The following PEX5L variants were observed in gnomAD, a reference collection of about 807,000 sequenced individuals.
PEX5L encodes the protein peroxisomal biogenesis factor 5 like, also known as PEX5-related protein.
A neutral mutation model predicts 84.0 loss-of-function variants in PEX5L; 30 were observed. The ratio of observed to expected loss-of-function variants is 0.36; its 90% CI spans 0.27 to 0.48. PEX5L has a LOEUF of 0.48. Ranked by LOEUF, PEX5L falls within the 20% of genes least tolerant of loss-of-function variation. The pLI is 0.99. For missense variants in PEX5L, 533 were observed against 754.6 expected (o/e 0.71, Z 3.44); for synonymous variants, 270 against 283.1 (o/e 0.95, Z 0.46).
chr3:179,984,446 A>G (rs1179863741), intron 1 of PEX5L, among the ~76,000 whole-genome samples: 1 of 152,162 alleles, frequency 6.6e-6, no homozygotes, highest in Non-Finnish European at 1.5e-5. Flanking sequence ...TTGTATAAGT[A>G]AATAGTTAAA....
At chr3:179,902,247 G>C (rs1761621743) in intron 2 of PEX5L, among the ~76,000 whole-genome samples, 4 of 152,186 alleles carry the variant, frequency 2.6e-5, no homozygotes, top group Admixed American at 2.6e-4. Flanking sequence ...CAGGAACCCA[G>C]ACCTGTTTTC....
intron 4 of PEX5L, among the ~76,000 whole-genome samples, chr3:179,883,894 T>TAGTC (rs1367479379): frequency 6.6e-6 from 1 of 152,192 alleles, no homozygotes; most frequent in East Asian, 1.9e-4. Flanking sequence ...ACTATAAGCA[T>TAGTC]AGTCATGATG....
chr3:179,999,735 C>G (rs545463851), intron 1 of PEX5L, among the ~76,000 whole-genome samples: 35 of 152,310 alleles, frequency 2.3e-4, no homozygotes, highest in African/African-American at 8.4e-4. Flanking sequence ...TGGTATTCCA[C>G]ACAGCATTGC....
intron 2 of PEX5L, among the ~76,000 whole-genome samples, chr3:179,968,615 C>T (rs749796594): frequency 1.8e-4 from 27 of 151,928 alleles, no homozygotes; most frequent in African/African-American, 3.1e-4. Context: ...TTACCTTCTA[C>T]GCTTAAAGTT....
chr3:180,021,552 G>C (rs187024527), intron 1 of PEX5L, among the ~76,000 whole-genome samples: 11 of 152,314 alleles, frequency 7.2e-5, no homozygotes, highest in Non-Finnish European at 1.2e-4. Context: ...AACATGAAAG[G>C]ACTTCAAATA....
chr3:179,991,735 G>A (rs1408562633), intron 1 of PEX5L, among the ~76,000 whole-genome samples: 7 of 152,034 alleles, frequency 4.6e-5, no homozygotes, highest in African/African-American at 1.7e-4. Flanking sequence ...AACAGGCATA[G>A]CTCTTCTTCT....
intron 11 of PEX5L, among the ~76,000 whole-genome samples, chr3:179,810,611 G>A (rs1723398290): frequency 6.6e-6 from 1 of 152,140 alleles, no homozygotes; most frequent in Non-Finnish European, 1.5e-5. Context: ...GGTTTGACAA[G>A]TTCTCAGGTG....
intron 8 of PEX5L, among the ~76,000 whole-genome samples, chr3:179,857,466 T>C (rs1263743995): frequency 6.6e-6 from 1 of 152,180 alleles, no homozygotes; most frequent in African/African-American, 2.4e-5. Context: ...GGGTAATAAT[T>C]TGTGAAGTGT....
chr3:179,931,943 C>T (rs1156931672), intron 2 of PEX5L, among the ~76,000 whole-genome samples: 3 of 151,178 alleles, frequency 2.0e-5, no homozygotes, highest in Non-Finnish European at 4.4e-5. Flanking sequence ...CATATATGGC[C>T]TTCTATCACT....
At chr3:179,860,780 A>G (rs1745817427) in intron 7 of PEX5L, among the ~76,000 whole-genome samples, 1 of 152,194 alleles carries the variant, frequency 6.6e-6, no homozygotes, top group Admixed American at 6.5e-5. Context: ...TATCAACTCC[A>G]TTTTCAAGAT....
At chr3:179,942,219 T>G (rs980232291) in intron 2 of PEX5L, among the ~76,000 whole-genome samples, 12 of 152,148 alleles carry the variant, frequency 7.9e-5, no homozygotes, top group African/African-American at 2.9e-4. Flanking sequence ...TGACAGCCCT[T>G]TCTGCATCTT....
At chr3:179,999,032 C>T (rs973693313) in intron 1 of PEX5L, among the ~76,000 whole-genome samples, 2 of 152,138 alleles carry the variant, frequency 1.3e-5, no homozygotes, top group Non-Finnish European at 2.9e-5. Flanking sequence ...TCCCAGTGGG[C>T]AGAACTTCAA....
At chr3:179,882,850 G>T (rs948725180) in intron 4 of PEX5L, among the ~76,000 whole-genome samples, 1 of 152,140 alleles carries the variant, frequency 6.6e-6, no homozygotes, top group Admixed American at 6.5e-5. Context: ...GCTTTGGGAG[G>T]CCAAGGCAGG....
intron 8 of PEX5L, among the ~76,000 whole-genome samples, chr3:179,854,904 C>T (rs1256097180): frequency 6.6e-6 from 1 of 152,070 alleles, no homozygotes; most frequent in African/African-American, 2.4e-5. Context: ...GTGATAAATA[C>T]TAGGATGAAA....
At chr3:179,972,046 A>T (rs1784894172) in intron 1 of PEX5L, among the ~76,000 whole-genome samples, 1 of 152,132 alleles carries the variant, frequency 6.6e-6, no homozygotes, top group East Asian at 1.9e-4. Flanking sequence ...TATACTCAAG[A>T]CTTCCAACTA....
At chr3:179,924,398 C>T (rs562613161) in intron 2 of PEX5L, among the ~76,000 whole-genome samples, 1 of 152,188 alleles carries the variant, frequency 6.6e-6, no homozygotes, top group African/African-American at 2.4e-5. Context: ...ATGTCGAGTC[C>T]CTGGGAGAGG....
chr3:179,923,901 C>T (rs1455081015), intron 2 of PEX5L, among the ~76,000 whole-genome samples: 1 of 152,162 alleles, frequency 6.6e-6, no homozygotes, highest in Non-Finnish European at 1.5e-5. Flanking sequence ...GAGTTATTGA[C>T]CTTGTTTACT....
intron 2 of PEX5L, among the ~76,000 whole-genome samples, chr3:179,927,311 C>T (rs1267986470): frequency 6.6e-6 from 1 of 152,094 alleles, no homozygotes; most frequent in Non-Finnish European, 1.5e-5. Context: ...GAGGCTGTGG[C>T]TTGAGATCTG....
chr3:179,913,957 A>AT (rs970081457), intron 2 of PEX5L, among the ~76,000 whole-genome samples: 18 of 152,238 alleles, frequency 1.2e-4, no homozygotes, highest in African/African-American at 4.1e-4. Flanking sequence ...GAGCCATGAA[A>AT]TTATATACTT....
Sources: gnomAD v4.1 joint callset for allele counts (sites outside exome capture counted in the v4.1 genomes callset) on GRCh38, gnomAD v4.1.1 for gene constraint, MANE v1.5 for transcripts, NCBI Gene and HGNC (gene_info 2026-07-23, HGNC 2026-07-21) for gene names.